The following XRN1 variants were observed in gnomAD, a reference collection of about 807,000 sequenced individuals.
The protein encoded by XRN1 is strand-exchange protein 1 homolog.
A neutral mutation model predicts 222.3 loss-of-function variants in XRN1; 67 were observed. The ratio of observed to expected loss-of-function variants is 0.30; its 90% CI spans 0.25 to 0.37. The LOEUF is 0.37. Ranked by LOEUF, XRN1 falls within the 10% of genes least tolerant of loss-of-function variation. XRN1 has a pLI of 1.00. For missense variants in XRN1, 1,707 were observed against 2,000.2 expected, an observed-to-expected ratio of 0.85 and a Z score of 2.80; for synonymous variants, 643 against 652.4, an observed-to-expected ratio of 0.99 and a Z score of 0.22.
intron 33 of XRN1, among the ~76,000 whole-genome samples, chr3:142,344,636 C>G (rs542565975): frequency 6.6e-6 from 1 of 151,782 alleles, no homozygotes; most frequent in Non-Finnish European, 1.5e-5. Context: ...AAATTAAAAA[C>G]CCAGTTCCAT....
At chr3:142,354,251 G>A (rs759826142) in intron 32 of XRN1, among the ~76,000 whole-genome samples, 6 of 152,000 alleles carry the variant, frequency 3.9e-5, no homozygotes, top group African/African-American at 9.7e-5. Flanking sequence ...ATCTCACACC[G>A]GTCAGAATGG....
chr3:142,318,735 G>A (rs1235543828), intron 38 of XRN1, 41 bp from the exon 39 acceptor site: 6 of 1,610,050 alleles, frequency 3.7e-6, no homozygotes, highest in Non-Finnish European at 4.2e-6. Context: ...TGCAATACAA[G>A]CTTTCTATAG....
chr3:142,391,821 G>C (rs766507398), intron 20 of XRN1, among the ~76,000 whole-genome samples: 3 of 149,424 alleles, frequency 2.0e-5, no homozygotes, highest in Non-Finnish European at 4.4e-5. Flanking sequence ...CTGCATGAAA[G>C]GGTTTTTAAT....
At chr3:142,409,137 C>T (rs1411680753) in intron 15 of XRN1, among the ~76,000 whole-genome samples, 3 of 152,144 alleles carry the variant, frequency 2.0e-5, no homozygotes, top group Non-Finnish European at 2.9e-5. Context: ...TTCTCCTACA[C>T]TGTGGCTTAT....
intron 32 of XRN1, among the ~76,000 whole-genome samples, chr3:142,347,882 G>A (rs943575232): frequency 6.6e-6 from 1 of 152,018 alleles, no homozygotes; most frequent in African/African-American, 2.4e-5. Flanking sequence ...ACAGGCATGA[G>A]CCACTGCACC....
chr3:142,392,335 T>C (rs1453921630), intron 20 of XRN1, among the ~76,000 whole-genome samples: 1 of 152,160 alleles, frequency 6.6e-6, no homozygotes, highest in Non-Finnish European at 1.5e-5. Context: ...CTTTTTTTTT[T>C]TTTTTATTAT....
At chr3:142,422,973 C>CTGGG in intron 6 of XRN1, 51 bp from the exon 7 acceptor site, 1 of 1,416,232 alleles carries the variant, frequency 7.1e-7, no homozygotes, top group Non-Finnish European at 9.8e-7. Flanking sequence ...TTTAAGGTCC[C>CTGGG]AGCTTAAAAA....
chr3:142,376,287 TAAG>T, intron 24 of XRN1, 189 bp downstream of exon 24: 1 of 674,686 alleles, frequency 1.5e-6, no homozygotes, highest in Non-Finnish European at 2.5e-6. Flanking sequence ...TGCTAAAAAA[TAAG>T]AACTGTCTTT....
At chr3:142,404,402 A>T (rs2068264457) in intron 16 of XRN1, among the ~76,000 whole-genome samples, 1 of 152,062 alleles carries the variant, frequency 6.6e-6, no homozygotes, top group African/African-American at 2.4e-5. Flanking sequence ...TTGCAACTCA[A>T]TTGCCATCTG....
At position 142,422,632 on chromosome 3, in the gene XRN1, G is replaced by A. The variant is rs138409697; in HGVS notation, c.917C>T (p.Ala306Val). The A allele has an allele frequency of 3.1e-6, 5 of 1,613,460 alleles. No individual in the cohort carries two copies. In the African/African-American group the frequency reaches 6.7e-5, roughly 22 times the overall value. Residue 306 changes from alanine to valine, a missense_variant, in exon 8 of 41, where the codon GCA (alanine) becomes GTA (valine). By Grantham distance (64) the Ala-to-Val change is moderately conservative. This residue lies in a region of XRN1 where 1,234 missense variants were observed against 1,518.2 expected (regional missense o/e 0.81). Transcript: ENST00000392981. ...HLPHLHINHDALPLLYGTYVT... is the reference protein window; with the variant it reads ...HLPHLHINHDVLPLLYGTYVT... ...ATATGTTCCATAAAGAAGAGGCAGT[G>A]CATCATGATTAATATGTAAATGAGG...
At chr3:142,398,692 G>A (rs1325510973) in intron 19 of XRN1, among the ~76,000 whole-genome samples, 1 of 152,056 alleles carries the variant, frequency 6.6e-6, no homozygotes, top group East Asian at 1.9e-4. Flanking sequence ...CACCAAAACA[G>A]TTTAACCTGA....
intron 21 of XRN1, 29 bp from the exon 22 acceptor site, chr3:142,383,442 G>A (rs776179927): frequency 2.6e-5 from 41 of 1,565,772 alleles, no homozygotes; most frequent in Non-Finnish European, 3.5e-5. Flanking sequence ...AATAATCTTA[G>A]TCATAATTTC....
At chr3:142,324,257 C>G (rs2065451884) in intron 37 of XRN1, among the ~76,000 whole-genome samples, 1 of 123,026 alleles carries the variant, frequency 8.1e-6, no homozygotes. Flanking sequence ...TCCCCCCACC[C>G]ACAACAGTCC....
chr3:142,427,517 AATG>A (rs1285442361), intron 2 of XRN1, among the ~76,000 whole-genome samples: 2 of 152,228 alleles, frequency 1.3e-5, no homozygotes, highest in Non-Finnish European at 2.9e-5. Context: ...AATGACATTT[AATG>A]ATCTTAATCA....
intron 16 of XRN1, among the ~76,000 whole-genome samples, chr3:142,404,446 A>C (rs1559854324): frequency 3.6e-5 from 1 of 27,520 alleles, no homozygotes; most frequent in South Asian, 5.5e-4. Flanking sequence ...GAGAGAAGAG[A>C]AAAAAAAGGA....
At chr3:142,335,289 A>G (rs2065821743) in intron 34 of XRN1, among the ~76,000 whole-genome samples, 159 bp downstream of exon 34, 1 of 151,968 alleles carries the variant, frequency 6.6e-6, no homozygotes, top group East Asian at 1.9e-4. Flanking sequence ...TAGGTGTACA[A>G]CCTCCCATCC....
intron 22 of XRN1, 151 bp from the exon 23 acceptor site, chr3:142,380,331 AT>A: frequency 1.6e-6 from 1 of 640,680 alleles, no homozygotes; most frequent in African/African-American, 1.8e-5. Context: ...AATACTGTAA[AT>A]TTGAGTCACT....
At chr3:142,383,986 A>G (rs1023581711) in intron 21 of XRN1, among the ~76,000 whole-genome samples, 6 of 151,812 alleles carry the variant, frequency 4.0e-5, no homozygotes, top group Non-Finnish European at 8.8e-5. Context: ...AAAAACCATA[A>G]AAGGCTGGGC....
intron 19 of XRN1, 111 bp downstream of exon 19, chr3:142,400,333 G>C: frequency 1.2e-6 from 1 of 841,256 alleles, no homozygotes; most frequent in Non-Finnish European, 1.8e-6. Context: ...TTGGTACAGA[G>C]TGTAAATGTT....
Sources: allele counts gnomAD v4.1 joint callset (sites outside exome capture counted in the v4.1 genomes callset), GRCh38; gene constraint gnomAD v4.1.1; regional missense constraint gnomAD v4.1.1; transcripts MANE v1.5; gene names NCBI Gene and HGNC (gene_info 2026-07-23, HGNC 2026-07-21).